The following GCH1 variants were observed in gnomAD, a reference collection of about 807,000 sequenced individuals.
GCH1 encodes the protein GTP cyclohydrolase I.
GCH1 carries 5 observed loss-of-function variants against 25.9 expected under a neutral mutation model. The observed-to-expected ratio is 0.19, with a 90% confidence interval of 0.10 to 0.41. The LOEUF is 0.41. Ranked by LOEUF, GCH1 falls within the 10% of genes least tolerant of loss-of-function variation. The pLI, the probability that GCH1 is intolerant of heterozygous loss-of-function variation, is 1.00. For missense variants in GCH1, 261 were observed against 336.5 expected (o/e 0.78, Z 1.75); for synonymous variants, 159 against 129.6 (o/e 1.23, Z -1.54).
intron 1 of GCH1, among the ~76,000 whole-genome samples, chr14:54,875,627 G>GA (rs1468608510): frequency 2.0e-5 from 3 of 151,958 alleles, no homozygotes; most frequent in Admixed American, 6.6e-5. Context: ...AAATTTACAA[G>GA]AAAAAAACAA....
chr14:54,853,441 A>G (rs1185464958), intron 3 of GCH1, among the ~76,000 whole-genome samples: 1 of 152,204 alleles, frequency 6.6e-6, no homozygotes, highest in Non-Finnish European at 1.5e-5. Flanking sequence ...GGGAAAAGGG[A>G]GGACAGAATC....
At chr14:54,869,029 A>G (rs10138429) in intron 1 of GCH1, among the ~76,000 whole-genome samples, 36,216 of 151,590 alleles carry the variant, frequency 0.24, 5,732 homozygotes, top group African/African-American at 0.44. Flanking sequence ...ATGCACCACC[A>G]CCTGGCTCCA....
intron 1 of GCH1, among the ~76,000 whole-genome samples, chr14:54,868,398 C>T (rs755272719): frequency 1.5e-4 from 23 of 151,376 alleles, no homozygotes; most frequent in African/African-American, 2.4e-5. Flanking sequence ...AATAGAGTGA[C>T]AGGGCAAGAT....
intron 1 of GCH1, among the ~76,000 whole-genome samples, chr14:54,876,059 G>A (rs1189592068): frequency 5.3e-5 from 8 of 152,222 alleles, no homozygotes; most frequent in South Asian, 2.1e-4. Context: ...TATGTTTACC[G>A]TGGCACTATT....
At chr14:54,891,630 T>C (rs944380620) in intron 1 of GCH1, among the ~76,000 whole-genome samples, 2 of 152,008 alleles carry the variant, frequency 1.3e-5, no homozygotes, top group African/African-American at 4.8e-5. Flanking sequence ...GGCTGGTCTC[T>C]AACTCCTGAG....
chr14:54,895,932 AC>A (rs879284263), intron 1 of GCH1, among the ~76,000 whole-genome samples: 1 of 152,220 alleles, frequency 6.6e-6, no homozygotes, highest in Non-Finnish European at 1.5e-5. Context: ...CATGGAAGGT[AC>A]ACACTGGAAA....
intron 2 of GCH1, 47 bp from the exon 3 acceptor site, chr14:54,859,783 C>A (rs1415415285): frequency 3.0e-6 from 3 of 990,824 alleles, no homozygotes; most frequent in Non-Finnish European, 4.9e-6. Flanking sequence ...AATACAGTGC[C>A]TTCTTTGTGA....
intron 1 of GCH1, among the ~76,000 whole-genome samples, chr14:54,888,296 G>A: frequency 6.6e-6 from 1 of 152,170 alleles, no homozygotes; most frequent in Admixed American, 6.5e-5. Flanking sequence ...TCAGCTGCTG[G>A]AAGTCAACAG....
In GCH1 at chr14:54,900,329, C is replaced by CTGTA. The variant is rs1331979548; in HGVS notation, c.343+1991_343+1992insTACA. Among the ~76,000 whole-genome samples, 1,453 of 152,114 alleles carry CTGTA rather than the reference C, an allele frequency of 9.6e-3. 27 individuals carry two copies. The highest frequency in any genetic ancestry group is 0.033 in the African/African-American group (1,363 of 41,454). On this transcript the variant is annotated intron_variant, in intron 1 of 5. Transcript: ENST00000491895. Reference sequence around the variant, plus strand: ...GGTTCAAGTGATTCTCCTGCCTCAGCCTCCCGAGTAGCTGGGACTACAGGC... The same window carrying CTGTA: ...GGTTCAAGTGATTCTCCTGCCTCAGCTGTACTCCCGAGTAGCTGGGACTACAGGC...
At chr14:54,849,890 A>AT (rs2039698966) in intron 3 of GCH1, among the ~76,000 whole-genome samples, 1 of 151,976 alleles carries the variant, frequency 6.6e-6, no homozygotes, top group African/African-American at 2.4e-5. Context: ...CTTCAGTTTC[A>AT]TTTTTTTAAT....
intron 1 of GCH1, among the ~76,000 whole-genome samples, chr14:54,889,491 C>T (rs558512451): frequency 2.0e-4 from 30 of 152,312 alleles, no homozygotes; most frequent in South Asian, 6.2e-4. Flanking sequence ...TCACACTTCA[C>T]AGGAAGAGCC....
intron 1 of GCH1, among the ~76,000 whole-genome samples, chr14:54,877,493 G>A (rs752620517): frequency 7.2e-5 from 11 of 152,070 alleles, no homozygotes; most frequent in African/African-American, 2.7e-4. Flanking sequence ...ACAAGCCCAA[G>A]TGCTTTTTTT....
rs145920155 is a variant in GCH1 at position 54,875,188 on chromosome 14, T to G, written c.344-9752A>C. Reference sequence around the variant, plus strand: ...ATGCCGCATATCTACAACCATCCGATCTTTGACAAACCTGACAAAAACAAG... The same window carrying G: ...ATGCCGCATATCTACAACCATCCGAGCTTTGACAAACCTGACAAAAACAAG... On this transcript the variant is annotated intron_variant, in intron 1 of 5. Transcript: ENST00000491895. Among the ~76,000 whole-genome samples the G allele has an allele frequency of 1.4e-3, 216 of 152,234 alleles. 1 individual carries two copies. Among genetic ancestry groups the G allele is most frequent in the African/African-American group, 4.9e-3 (204 of 41,524 alleles).
chr14:54,842,787 G>C lies in GCH1; in HGVS notation c.*1230C>G, dbSNP rs56130647. On this transcript the variant is annotated 3_prime_UTR_variant, in exon 6 of 6. Coordinates refer to ENST00000491895, the MANE Select transcript of GCH1 (RefSeq NM_000161.3). ...TTTTGTTTGTTTTAATTTGGCCCAC[G>C]CTGCCCCAATGGAGGAAATTTTAAG... 1 of 394,492 alleles carries C rather than the reference G, an allele frequency of 2.5e-6. No homozygotes were observed. The highest frequency in any genetic ancestry group is 4.5e-6 in the Non-Finnish European group (1 of 223,070). 24.4% of individuals were successfully genotyped at this position (394,492 alleles called of 1,614,324 possible). A position where few individuals can be genotyped will look rare whatever the true frequency, so the allele number is the denominator to read the frequency against.
intron 1 of GCH1, among the ~76,000 whole-genome samples, chr14:54,880,430 C>G (rs1185726426): frequency 9.2e-6 from 1 of 108,292 alleles, no homozygotes; most frequent in Non-Finnish European, 1.8e-5. Flanking sequence ...TATATATACT[C>G]CATATATATA....
intron 1 of GCH1, among the ~76,000 whole-genome samples, chr14:54,870,225 C>T (rs760005885): frequency 2.0e-5 from 3 of 149,446 alleles, no homozygotes; most frequent in African/African-American, 7.4e-5. Flanking sequence ...AGGCTGGGTG[C>T]GGTGGCTCAC....
At chr14:54,846,923 A>T (rs905530185) in intron 4 of GCH1, among the ~76,000 whole-genome samples, 176 bp downstream of exon 4, 1 of 152,152 alleles carries the variant, frequency 6.6e-6, no homozygotes, top group African/African-American at 2.4e-5. Flanking sequence ...TAGCCAAGGC[A>T]TGGTGATGCA....
intron 3 of GCH1, chr14:54,859,396 G>C (rs2039861593): frequency 2.2e-6 from 1 of 444,972 alleles, no homozygotes; most frequent in South Asian, 2.1e-5. Flanking sequence ...GTAAGCTCAG[G>C]ACCTCTCCAG....
intron 3 of GCH1, among the ~76,000 whole-genome samples, chr14:54,856,005 T>C (rs7155099): frequency 6.9e-6 from 1 of 145,388 alleles, no homozygotes; most frequent in Non-Finnish European, 1.5e-5. Flanking sequence ...TTAAATGGTA[T>C]GTTGCTTTTA....
Sources: gnomAD v4.1 joint callset for allele counts (sites outside exome capture counted in the v4.1 genomes callset) on GRCh38, gnomAD v4.1.1 for gene constraint, MANE v1.5 for transcripts, NCBI Gene and HGNC (gene_info 2026-07-23, HGNC 2026-07-21) for gene names.